The following SEZ6 variants were observed in gnomAD, a reference collection of about 807,000 sequenced individuals.
The protein encoded by SEZ6 is seizure related 6 homolog.
Under a neutral mutation model 101.0 loss-of-function variants are expected in SEZ6, and 53 were observed. The observed-to-expected ratio is 0.52, with a 90% CI of 0.42 to 0.66. The LOEUF is 0.66. SEZ6 is among the 30% of genes least tolerant of loss of function. The pLI, the probability that SEZ6 is intolerant of heterozygous loss-of-function variation, is 0.00. For synonymous variants in SEZ6, 488 were observed against 512.2 expected (o/e 0.95, Z 0.64); for missense variants, 1,102 against 1,289.4 (o/e 0.85, Z 2.23).
rs112307540 is a variant in SEZ6 at position 28,967,638 on chromosome 17, T to C, written c.1054+2119A>G. ...AGGTTAACTGACGCCTAGTGGGGTC[T>C]AGACCATGAGCCAGGCTCAGGCCCA... is the stretch of plus-strand genomic sequence containing the variant. On this transcript the variant is annotated intron_variant, in intron 4 of 16. Coordinates refer to ENST00000317338, the MANE Select transcript of SEZ6 (RefSeq NM_178860.5). 3.1e-3 allele frequency among the ~76,000 whole-genome samples: 468 copies of C among 152,280 alleles called. 2 individuals are homozygous for C. Among genetic ancestry groups the C allele is most frequent in the African/African-American group, 0.011 (437 of 41,556 alleles).
At chr17:28,991,989 C>G (rs2041467711) in intron 1 of SEZ6, among the ~76,000 whole-genome samples, 1 of 152,192 alleles carries the variant, frequency 6.6e-6, no homozygotes. Context: ...TTGCTGCGCT[C>G]TGTTGGCTTG....
At chr17:28,993,097 G>A (rs1023861058) in intron 1 of SEZ6, among the ~76,000 whole-genome samples, 1 of 152,042 alleles carries the variant, frequency 6.6e-6, no homozygotes, top group African/African-American at 2.4e-5. Context: ...CTCTGGGGTA[G>A]GATGGAAGGA....
chr17:28,991,046 C>T (rs1192885864), intron 1 of SEZ6, among the ~76,000 whole-genome samples: 1 of 151,762 alleles, frequency 6.6e-6, no homozygotes, highest in Non-Finnish European at 1.5e-5. Context: ...GCTGGGACTA[C>T]AGGCATGTGC....
In SEZ6 at chr17:28,958,153, G is replaced by A. The variant is rs2040914772; in HGVS notation, c.2108-12C>T. ...ATTGCGGGGCACCTCTGGGGGCACA[G>A]AGGCACAAGATGCAGGCCCTCGGCC... On this transcript the variant is annotated splice_polypyrimidine_tract_variant and intron_variant, in intron 10 of 16. Transcript: ENST00000317338. 7.0e-6 allele frequency: 11 copies of A among 1,581,664 alleles called. No individual in the cohort carries two copies. Among genetic ancestry groups the A allele is most frequent in the Non-Finnish European group, 9.5e-6 (11 of 1,157,046 alleles).
At position 28,981,373 on chromosome 17, in the gene SEZ6, G is replaced by C. The variant is rs778862690; in HGVS notation, c.722C>G (p.Pro241Arg). Residue 241 changes from proline (P) to arginine (R), a missense_variant and splice_region_variant, in exon 2 of 17, where the codon CCA becomes CGA. Coordinates refer to ENST00000317338, the MANE Select transcript of SEZ6 (RefSeq NM_178860.5). ...ITTTITTVQT[P>R]GPCSWNFSGP... is the part of the protein sequence containing the mutation. ...CTGCAAGCCAGCAGGTAGCTGACCT[G>C]GTGTCTGGACTGTGGTGATGGTGGT... 47 of 1,543,410 alleles carry C rather than the reference G, an allele frequency of 3.0e-5. No homozygotes were observed. In the East Asian group the frequency reaches 1.2e-3, roughly 38 times the overall value.
chr17:29,001,622 A>T (rs1400442060), intron 1 of SEZ6, among the ~76,000 whole-genome samples: 1 of 152,224 alleles, frequency 6.6e-6, no homozygotes, highest in African/African-American at 2.4e-5. Flanking sequence ...TAAGAGCCCA[A>T]AAGCTGTTGA....
rs998193399 is a variant in SEZ6, at chr17:28,977,740, A to G, written c.858+1940T>C. On this transcript the variant is annotated intron_variant, in intron 3 of 16. Coordinates refer to ENST00000317338, the MANE Select transcript of SEZ6 (RefSeq NM_178860.5). ...GGCAGACAGAGCCTCCCAGGCCTGT[A>G]GGGGGGCACTCAGCCTGGCACCTGC... Among the ~76,000 whole-genome samples the G allele has an allele frequency of 2.6e-5, 4 of 152,088 alleles. No homozygotes were observed. The East Asian group carries it at 7.7e-4, about 29-fold the overall frequency.
rs1421418088 is a variant in SEZ6, at chr17:29,005,759, A to AC, written c.55+55dup. On this transcript the variant is annotated intron_variant, in intron 1 of 16. Transcript: ENST00000317338. This position sits in a 1 kb window ranked among gnomAD's most constrained non-coding sequence, Gnocchi z 4.8. The stretch of plus-strand genomic sequence containing the variant: ...AGCTGGGCACCGGGTCTCCCTTCCC[A>AC]CCCCTGGGGCCCCGCTCCCGCCCCC... The AC allele has an allele frequency of 6.9e-7, 1 of 1,459,134 alleles. No individual in the cohort carries two copies. Among genetic ancestry groups the AC allele is most frequent in the Non-Finnish European group, 9.1e-7 (1 of 1,102,610 alleles). 90.4% of individuals were successfully genotyped at this position (1,459,134 alleles called of 1,614,324 possible).
chr17:28,959,616 C>T lies in SEZ6; in HGVS notation c.1771+82G>A, dbSNP rs1006531664. The T allele has an allele frequency of 2.6e-6, 4 of 1,531,952 alleles. No homozygotes were observed. In the African/African-American group the frequency reaches 5.5e-5, roughly 21 times the overall value. 94.9% of individuals were successfully genotyped at this position (1,531,952 alleles called of 1,614,324 possible). A position where few individuals can be genotyped will look rare whatever the true frequency, so the allele number is the denominator to read the frequency against. On this transcript the variant is annotated intron_variant, in intron 8 of 16. Transcript: ENST00000317338. The surrounding 1 kb of genome is among the most constrained non-coding windows in gnomAD (Gnocchi z 4.4). ...CTGAACCACGCATATCACAGGGCCC[C>T]TGTGGCCCCGGGCTCTGCTGCTATT...
At chr17:28,960,729 C>G in intron 6 of SEZ6, 58 bp from the exon 7 acceptor site, 6 of 1,611,730 alleles carry the variant, frequency 3.7e-6, no homozygotes, top group Middle Eastern at 1.7e-4. Context: ...GGGGTGTGGC[C>G]CCAGGCTTGG....
Position 28,959,490 on chromosome 17 carries a change from C to T in SEZ6, c.1772-18G>A, listed in dbSNP as rs529167609. ...GCACACGGCTGGAAGGCAGAGGAGGCCCAGAAGGGTCTTTTCAAGCTTACC... is the reference window on the plus strand; with the variant it reads ...GCACACGGCTGGAAGGCAGAGGAGGTCCAGAAGGGTCTTTTCAAGCTTACC... On this transcript the variant is annotated intron_variant, in intron 8 of 16. Transcript: ENST00000317338. This position sits in a 1 kb window ranked among gnomAD's most constrained non-coding sequence, Gnocchi z 4.4. The T allele has an allele frequency of 1.2e-6, 2 of 1,608,842 alleles. No homozygotes were observed. Among genetic ancestry groups the T allele is most frequent in the South Asian group, 1.1e-5 (1 of 91,058 alleles).
At chr17:28,994,685 A>G (rs1427591680) in intron 1 of SEZ6, among the ~76,000 whole-genome samples, 1 of 151,922 alleles carries the variant, frequency 6.6e-6, no homozygotes, top group East Asian at 1.9e-4. Flanking sequence ...CTGGGATTAC[A>G]GGCGTAAGCC....
At chr17:28,988,614 C>G (rs1234926168) in intron 1 of SEZ6, among the ~76,000 whole-genome samples, 2 of 152,244 alleles carry the variant, frequency 1.3e-5, no homozygotes, top group African/African-American at 4.8e-5. Context: ...TTGCCCCGGA[C>G]TACCCTCTCT....
rs184886616 is a variant in SEZ6 at position 28,976,698 on chromosome 17, C to G, written c.858+2982G>C. Among the ~76,000 whole-genome samples, 13 of 152,330 alleles carry G rather than the reference C, an allele frequency of 8.5e-5. No homozygotes were observed. The East Asian group carries it at 2.3e-3, about 27-fold the overall frequency. On this transcript the variant is annotated intron_variant, in intron 3 of 16. Transcript: ENST00000317338. ...CGCTGCTCTTGGGCTGAGCCTCTGGCAGGAGTGTGATCCGGAAGCCCTTAC... is the reference window on the plus strand; with the variant it reads ...CGCTGCTCTTGGGCTGAGCCTCTGGGAGGAGTGTGATCCGGAAGCCCTTAC...
At position 28,959,279 on chromosome 17, in the gene SEZ6, A is replaced by G. The variant is rs2040934849; in HGVS notation, c.1910+55T>C. The G allele has an allele frequency of 1.2e-6, 2 of 1,613,514 alleles. No individual in the cohort carries two copies. Among genetic ancestry groups the G allele is most frequent in the African/African-American group, 1.3e-5 (1 of 74,918 alleles). ...CTGGGGGCCCGAGGATGGGCTGGAC[A>G]AGGGATATCCCCAGACCTCAGGAGT... On this transcript the variant is annotated intron_variant, in intron 9 of 16. Coordinates refer to ENST00000317338, the MANE Select transcript of SEZ6 (RefSeq NM_178860.5). This position sits in a 1 kb window ranked among gnomAD's most constrained non-coding sequence, Gnocchi z 4.4.
chr17:28,992,434 G>A (rs1449063306), intron 1 of SEZ6, among the ~76,000 whole-genome samples: 1 of 152,138 alleles, frequency 6.6e-6, no homozygotes, highest in Non-Finnish European at 1.5e-5. Flanking sequence ...ATGTGCATGT[G>A]CAGGTCCAAA....
intron 3 of SEZ6, among the ~76,000 whole-genome samples, chr17:28,973,046 G>A (rs929651784): frequency 6.6e-6 from 1 of 152,192 alleles, no homozygotes; most frequent in Non-Finnish European, 1.5e-5. Flanking sequence ...TGATCTTGCT[G>A]CTTTGGGACC....
chr17:28,957,819 C>A, intron 11 of SEZ6, 128 bp downstream of exon 11: 1 of 1,098,672 alleles, frequency 9.1e-7, no homozygotes, highest in Non-Finnish European at 1.3e-6. Context: ...GATGAGGAAA[C>A]TGAGGCTATA....
intron 5 of SEZ6, among the ~76,000 whole-genome samples, chr17:28,963,225 C>G (rs2152684690): frequency 6.6e-6 from 1 of 152,284 alleles, no homozygotes; most frequent in South Asian, 2.1e-4. Flanking sequence ...GCAGCAATCC[C>G]AGACCTGATC....
Sources: allele counts gnomAD v4.1 joint callset (sites outside exome capture counted in the v4.1 genomes callset), GRCh38; gene constraint gnomAD v4.1.1; non-coding constraint Gnocchi (gnomAD v3.1); transcripts MANE v1.5; gene names NCBI Gene and HGNC (gene_info 2026-07-23, HGNC 2026-07-21).